NT5C1A: variants seen among roughly 807,000 people sequenced by gnomAD.
The protein encoded by NT5C1A is cytosolic 5'-nucleotidase 1A.
A neutral mutation model predicts 31.0 loss-of-function variants in NT5C1A; 18 were observed. The ratio of observed to expected loss-of-function variants is 0.58; its 90% CI spans 0.40 to 0.86. The LOEUF is 0.86. NT5C1A is among the 40% of genes least tolerant of loss of function. The pLI, the probability that NT5C1A is intolerant of heterozygous loss-of-function variation, is 0.00. For missense variants in NT5C1A, 470 were observed against 505.4 expected, an observed-to-expected ratio of 0.93 and a Z score of 0.67; for synonymous variants, 185 against 203.6, an observed-to-expected ratio of 0.91 and a Z score of 0.78.
At position 39,671,976 on chromosome 1, in the gene NT5C1A, G is replaced by C. The variant is rs1280312231; in HGVS notation, c.63C>G (p.Thr21=). The C allele has an allele frequency of 6.2e-7, 1 of 1,611,602 alleles. No homozygotes were observed. The highest frequency in any genetic ancestry group is 1.3e-5 in the African/African-American group (1 of 74,902). ...EPREPGPGAE[T]AAAPVWEEAK... is the part of the protein sequence containing the mutation. ...CTTCCTCCCAGACCGGGGCCGCAGC[G>C]GTCTCCGCTCCTGGCCCGGGCTCGC... Residue 21 remains threonine (T), a synonymous_variant, in exon 1 of 6, where the codon ACC becomes ACG. Transcript: ENST00000235628.
chr1:39,669,422 C>A (rs1646538944), intron 1 of NT5C1A, among the ~76,000 whole-genome samples: 1 of 152,134 alleles, frequency 6.6e-6, no homozygotes. Context: ...TGTTCTGACC[C>A]CATGAGGTGA....
Position 39,659,320 on chromosome 1 carries a change from G to A in NT5C1A, c.908C>T (p.Thr303Ile). 1 of 1,614,018 alleles carries A rather than the reference G, an allele frequency of 6.2e-7. No homozygotes were observed. Among genetic ancestry groups the A allele is most frequent in the Non-Finnish European group, 8.5e-7 (1 of 1,180,028 alleles). ...LKTLRSWGLE[T>I]DEALFLAGAP... ...TCCAGCAAGGAACAAGGCTTCATCT[G>A]TCTCCAGGCCCCAGCTGCGCAGGGT... Residue 303 changes from threonine (T) to isoleucine (I), a missense_variant, in exon 6 of 6, where the codon ACA (threonine) becomes ATA (isoleucine). Physicochemically the swap from Thr to Ile is moderately conservative, Grantham distance 89. Coordinates refer to ENST00000235628, the MANE Select transcript of NT5C1A (RefSeq NM_032526.3).
At position 39,665,503 on chromosome 1, in the gene NT5C1A, C is replaced by CCTCATG. The variant is rs778056062; in HGVS notation, c.433+12_433+17dup. 2 of 1,603,144 alleles carry CCTCATG rather than the reference C, an allele frequency of 1.2e-6. No homozygotes were observed. Among genetic ancestry groups the CCTCATG allele is most frequent in the Admixed American group, 3.4e-5 (2 of 58,830 alleles). On this transcript the variant is annotated intron_variant, in intron 3 of 5. Transcript: ENST00000235628. ...GGGTGTCCCAGGGCAAACCCCCCATCCTCATGCTCATGCTCACCATAGTGG... is the reference window on the plus strand; with the variant it reads ...GGGTGTCCCAGGGCAAACCCCCCATCCTCATGCTCATGCTCATGCTCACCATAGTGG...
intron 5 of NT5C1A, among the ~76,000 whole-genome samples, 167 bp from the exon 6 acceptor site, chr1:39,659,653 G>A (rs17264901): frequency 3.9e-5 from 6 of 152,146 alleles, no homozygotes; most frequent in Non-Finnish European, 8.8e-5. Flanking sequence ...GCACCAGCGC[G>A]GCTCTAGTCA....
chr1:39,652,367 C>T lies in NT5C1A; in HGVS notation c.*6754G>A, dbSNP rs948074098. On this transcript the variant is annotated 3_prime_UTR_variant, in exon 6 of 6. Transcript: ENST00000235628. ...CTCTTCAAAAATGGGGCGGACTATC[C>T]GGCAACCTCAGGCCACATTCCCATG... 1.3e-5 allele frequency among the ~76,000 whole-genome samples: 2 copies of T among 152,216 alleles called. No individual in the cohort carries two copies. The highest frequency in any genetic ancestry group is 2.4e-5 in the African/African-American group (1 of 41,442).
Position 39,671,933 on chromosome 1 carries a change from TGTC to T in NT5C1A, c.103_105del (p.Asp35del). On this transcript the variant is annotated inframe_deletion, in exon 1 of 6. Transcript: ENST00000235628. ...TTGGGTTTCTTCTTGGGCGCGAGGT[TGTC>T]GTAGAAAATCTTGGCTTCCTCCCAG... 6.2e-7 allele frequency: 1 copy of T among 1,613,452 alleles called. No homozygotes were observed. Among genetic ancestry groups the T allele is most frequent in the Non-Finnish European group, 8.5e-7 (1 of 1,179,862 alleles).
Position 39,654,987 on chromosome 1 carries a change from G to A in NT5C1A, c.*4134C>T, listed in dbSNP as rs375740876. 2.8e-4 allele frequency among the ~76,000 whole-genome samples: 42 copies of A among 152,102 alleles called. No homozygotes were observed. Among genetic ancestry groups the A allele is most frequent in the African/African-American group, 9.4e-4 (39 of 41,424 alleles). On this transcript the variant is annotated 3_prime_UTR_variant, in exon 6 of 6. Coordinates refer to ENST00000235628, the MANE Select transcript of NT5C1A (RefSeq NM_032526.3). ...AGACGGAGTCTCACCCTGATGCCAG[G>A]CTGGAGTGCAGTGGCGTGATCTCGG...
At chr1:39,663,260 C>T in intron 4 of NT5C1A, 52 bp downstream of exon 4, 2 of 1,610,028 alleles carry the variant, frequency 1.2e-6, no homozygotes, top group South Asian at 2.2e-5. Flanking sequence ...CCTCCCACCT[C>T]AGGGACCCCT....
chr1:39,664,040 C>T (rs755358576), intron 3 of NT5C1A, among the ~76,000 whole-genome samples: 3 of 152,182 alleles, frequency 2.0e-5, no homozygotes, highest in Non-Finnish European at 4.4e-5. Context: ...TTTTTACGAT[C>T]AACCCTGCTC....
At chr1:39,667,381 G>T (rs931484859) in intron 1 of NT5C1A, among the ~76,000 whole-genome samples, 14 of 151,928 alleles carry the variant, frequency 9.2e-5, no homozygotes, top group African/African-American at 3.4e-4. Flanking sequence ...GACCTTTATA[G>T]TCCCTAGGGA....
At position 39,652,573 on chromosome 1, in the gene NT5C1A, G is replaced by A. The variant is rs1224912749; in HGVS notation, c.*6548C>T. Among the ~76,000 whole-genome samples the A allele has an allele frequency of 6.6e-6, 1 of 152,142 alleles. No individual in the cohort carries two copies. The highest frequency in any genetic ancestry group is 1.9e-4 in the East Asian group (1 of 5,196). On this transcript the variant is annotated 3_prime_UTR_variant, in exon 6 of 6. Transcript: ENST00000235628. ...CTTGGTGGCTTCTTGGTGGCAGTTAGCTACAAGACTAGCCTTGAGGCCTTT... is the reference window on the plus strand; with the variant it reads ...CTTGGTGGCTTCTTGGTGGCAGTTAACTACAAGACTAGCCTTGAGGCCTTT...
rs1646460704 is a variant in NT5C1A, at chr1:39,656,724, T to TTGC, written c.*2396_*2397insGCA. On this transcript the variant is annotated 3_prime_UTR_variant, in exon 6 of 6. Coordinates refer to ENST00000235628, the MANE Select transcript of NT5C1A (RefSeq NM_032526.3). ...CAGTGCACAGGTCCACCCTGGTCAG[T>TTGC]CAGCCTGTTGCCATGCTGTGAGCCT... Among the ~76,000 whole-genome samples, 3 of 152,256 alleles carry TTGC rather than the reference T, an allele frequency of 2.0e-5. No homozygotes were observed. The highest frequency in any genetic ancestry group is 2.9e-5 in the Non-Finnish European group (2 of 68,042).
At chr1:39,660,674 A>C (rs1001363535) in intron 5 of NT5C1A, among the ~76,000 whole-genome samples, 14 of 152,090 alleles carry the variant, frequency 9.2e-5, no homozygotes, top group Admixed American at 3.3e-4. Flanking sequence ...TGAGGGTTCC[A>C]GAGAGAGAAT....
Position 39,671,968 on chromosome 1 carries a change from G to A in NT5C1A, c.71C>T (p.Ala24Val). 1 of 1,612,160 alleles carries A rather than the reference G, an allele frequency of 6.2e-7. No individual in the cohort carries two copies. Among genetic ancestry groups the A allele is most frequent in the Non-Finnish European group, 8.5e-7 (1 of 1,179,816 alleles). Residue 24 changes from alanine to valine, a missense_variant, in exon 1 of 6, where the codon GCC (alanine) becomes GTC (valine). Coordinates refer to ENST00000235628, the MANE Select transcript of NT5C1A (RefSeq NM_032526.3). ...AATCTTGGCTTCCTCCCAGACCGGG[G>A]CCGCAGCGGTCTCCGCTCCTGGCCC... is the stretch of plus-strand genomic sequence containing the variant. ...EPGPGAETAA[A>V]PVWEEAKIFY... is the part of the protein sequence containing the mutation.
In NT5C1A at chr1:39,666,145, A is replaced by G. The variant is rs1301612590; in HGVS notation, c.227T>C (p.Val76Ala). The G allele has an allele frequency of 6.2e-7, 1 of 1,613,596 alleles. No homozygotes were observed. The highest frequency in any genetic ancestry group is 1.7e-5 in the Admixed American group (1 of 60,018). Residue 76 changes from valine to alanine, a missense_variant, in exon 2 of 6, where the codon GTG (valine) becomes GCG (alanine). Physicochemically the swap from Val to Ala is moderately conservative, Grantham distance 64. Transcript: ENST00000235628. ...CAGCTGGTAGCGCACGTACTCCTCC[A>G]CGCCCTGCTCCGTGTAGATCTGCTG... ...EEQQIYTEQG[V>A]EEYVRYQLEH...
In NT5C1A at chr1:39,657,316, C is replaced by G. The variant is rs1646469088; in HGVS notation, c.*1805G>C. 6.6e-6 allele frequency among the ~76,000 whole-genome samples: 1 copy of G among 152,226 alleles called. No homozygotes were observed. The highest frequency in any genetic ancestry group is 1.5e-5 in the Non-Finnish European group (1 of 68,040). On this transcript the variant is annotated 3_prime_UTR_variant, in exon 6 of 6. Coordinates refer to ENST00000235628, the MANE Select transcript of NT5C1A (RefSeq NM_032526.3). ...CTTCCTGGAATATCTTTCTGCATCT[C>G]TTACCCTGCCCCACACTGCACAGAA...
chr1:39,667,567 G>A (rs1449839747), intron 1 of NT5C1A, among the ~76,000 whole-genome samples: 4 of 152,256 alleles, frequency 2.6e-5, no homozygotes, highest in East Asian at 1.9e-4. Context: ...CTGATCATCC[G>A]TGGGTCATGT....
chr1:39,668,821 A>G (rs1646535917), intron 1 of NT5C1A, among the ~76,000 whole-genome samples: 1 of 152,190 alleles, frequency 6.6e-6, no homozygotes, highest in Admixed American at 6.5e-5. Flanking sequence ...AGGACTGTGC[A>G]TCCCCACTTA....
chr1:39,663,579 C>T lies in NT5C1A; in HGVS notation c.434-145G>A, dbSNP rs6684666. On this transcript the variant is annotated intron_variant, in intron 3 of 5. Transcript: ENST00000235628. ...TCAGTGTAATTTTAGGCCAGTGTTC[C>T]CCTCTGAGCCCCTCCATCCTTCATG... The T allele has an allele frequency of 5.3e-3, 3,729 of 709,586 alleles. 99 individuals are homozygous for T. In the African/African-American group the frequency reaches 0.055, roughly 10 times the overall value. 44.0% of individuals were successfully genotyped at this position (709,586 alleles called of 1,614,324 possible). A position where few individuals can be genotyped will look rare whatever the true frequency, so the allele number is the denominator to read the frequency against.
Sources: allele counts gnomAD v4.1 joint callset (sites outside exome capture counted in the v4.1 genomes callset), GRCh38; gene constraint gnomAD v4.1.1; transcripts MANE v1.5; gene names NCBI Gene and HGNC (gene_info 2026-07-23, HGNC 2026-07-21).